TTC3: variants seen among roughly 807,000 people sequenced by gnomAD.
TTC3 encodes the protein E3 ubiquitin-protein ligase TTC3.
TTC3 carries 180 observed loss-of-function variants against 249.6 expected under a neutral mutation model. That is an observed-to-expected ratio of 0.72 (90% CI 0.64 to 0.82). The LOEUF (loss-of-function observed/expected upper bound fraction) is 0.82. TTC3 is among the 40% of genes least tolerant of loss of function. The probability of loss-of-function intolerance (pLI) is 0.00; values close to 1 mark genes in which losing one functional copy is unlikely to be tolerated. For missense variants in TTC3, 2,061 were observed against 2,398.4 expected, an observed-to-expected ratio of 0.86 and a Z score of 2.94; for synonymous variants, 717 against 805.0, an observed-to-expected ratio of 0.89 and a Z score of 1.85.
At chr21:37,190,581 G>T (rs1214495581) in intron 39 of TTC3, among the ~76,000 whole-genome samples, 1 of 152,206 alleles carries the variant, frequency 6.6e-6, no homozygotes, top group Admixed American at 6.5e-5. Context: ...ACCATAGGCT[G>T]CATTGTGGCT....
At chr21:37,122,046 T>C in intron 12 of TTC3, 67 bp downstream of exon 12, 1 of 1,454,464 alleles carries the variant, frequency 6.9e-7, no homozygotes. Flanking sequence ...GGTGGGTTTC[T>C]TGGATTAACA....
At chr21:37,108,686 A>G (rs372683365) in intron 11 of TTC3, among the ~76,000 whole-genome samples, 11 of 152,244 alleles carry the variant, frequency 7.2e-5, no homozygotes, top group African/African-American at 2.4e-4. Flanking sequence ...TTAGTGATTG[A>G]GAGGTCATCT....
At chr21:37,187,271 T>C (rs540664326) in intron 38 of TTC3, 126 bp downstream of exon 38, 2 of 659,840 alleles carry the variant, frequency 3.0e-6, no homozygotes, top group African/African-American at 1.9e-5. Context: ...CTGTAACCCA[T>C]AATATATCCT....
At chr21:37,182,994 T>A in intron 36 of TTC3, 81 bp downstream of exon 36, 1 of 1,214,066 alleles carries the variant, frequency 8.2e-7, no homozygotes, top group African/African-American at 1.6e-5. Context: ...TTTTGATATT[T>A]AATATTAAAC....
At chr21:37,201,483 G>T (rs1227375871) in exon 46 of TTC3, 1 of 1,613,894 alleles carries the variant, frequency 6.2e-7, no homozygotes, top group Non-Finnish European at 8.5e-7. Flanking sequence ...TGCCCGGCCT[G>T]CCAGGGTCGT....
chr21:37,162,627 T>TC lies in TTC3; in HGVS notation c.3170+565dup, dbSNP rs530125031. On this transcript the variant is annotated intron_variant, in intron 31 of 45. Transcript: ENST00000355666. ...AAAATGTACAACATGGTTTTTTTTTTCTCATTTCTTAAAGGAGCTATCAGA... is the reference window on the plus strand; with the variant it reads ...AAAATGTACAACATGGTTTTTTTTTTCCTCATTTCTTAAAGGAGCTATCAGA... Among the ~76,000 whole-genome samples the TC allele has an allele frequency of 4.9e-3, 737 of 149,932 alleles. 6 individuals are homozygous for TC. Among genetic ancestry groups the TC allele is most frequent in the Middle Eastern group, 0.014 (4 of 294 alleles).
chr21:37,133,643 T>G (rs1424539126), intron 17 of TTC3, among the ~76,000 whole-genome samples: 1 of 152,178 alleles, frequency 6.6e-6, no homozygotes, highest in African/African-American at 2.4e-5. Flanking sequence ...GGGTGCACAG[T>G]GATATGATTT....
chr21:37,142,787 A>T (rs1265088583), intron 20 of TTC3, among the ~76,000 whole-genome samples: 7 of 152,236 alleles, frequency 4.6e-5, no homozygotes, highest in Non-Finnish European at 8.8e-5. Flanking sequence ...CGCATTGCCA[A>T]GTCAATCCTA....
At chr21:37,200,195 G>C (rs1480206789) in intron 44 of TTC3, 37 bp from the exon 45 acceptor site, 2 of 1,596,116 alleles carry the variant, frequency 1.3e-6, no homozygotes, top group South Asian at 2.3e-5. Context: ...AACAACTGTA[G>C]TTATTCTTTA....
intron 35 of TTC3, among the ~76,000 whole-genome samples, chr21:37,178,761 A>G (rs1438348235): frequency 6.6e-6 from 1 of 152,046 alleles, no homozygotes; most frequent in East Asian, 1.9e-4. Flanking sequence ...GGAGTTTGAA[A>G]CCAGCCTGGG....
intron 13 of TTC3, among the ~76,000 whole-genome samples, chr21:37,123,924 T>A (rs2076835050): frequency 6.6e-6 from 1 of 151,206 alleles, no homozygotes. Flanking sequence ...AATTTTTGAA[T>A]TTTTGGTAGA....
At chr21:37,079,359 G>A (rs567447838) in intron 1 of TTC3, among the ~76,000 whole-genome samples, 3 of 152,084 alleles carry the variant, frequency 2.0e-5, no homozygotes, top group African/African-American at 4.8e-5. Context: ...AAGCTTGGTG[G>A]AACTTAACTA....
At chr21:37,086,392 A>C (rs990440775) in intron 1 of TTC3, 4 of 152,196 alleles carry the variant, frequency 2.6e-5, no homozygotes, top group African/African-American at 9.6e-5. Flanking sequence ...TGTTTGGCCT[A>C]TGTAGCTATT....
chr21:37,116,041 G>T (rs1159951448), intron 11 of TTC3, among the ~76,000 whole-genome samples: 1 of 152,070 alleles, frequency 6.6e-6, no homozygotes, highest in Non-Finnish European at 1.5e-5. Flanking sequence ...TGGCTATTGT[G>T]TGTCTTCCAG....
chr21:37,187,275 A>G (rs762884372), intron 38 of TTC3, 130 bp downstream of exon 38: 7 of 649,696 alleles, frequency 1.1e-5, no homozygotes, highest in East Asian at 6.7e-5. Flanking sequence ...AACCCATAAT[A>G]TATCCTCCCT....
At chr21:37,132,400 G>T (rs951509382) in intron 16 of TTC3, among the ~76,000 whole-genome samples, 1 of 150,580 alleles carries the variant, frequency 6.6e-6, no homozygotes, top group East Asian at 1.9e-4. Context: ...GTAAGATCTC[G>T]GTCCTGGGCT....
At chr21:37,168,750 TA>T (rs5843806) in intron 34 of TTC3, among the ~76,000 whole-genome samples, 152,248 of 152,250 alleles carry the variant, frequency 1, 76,123 homozygotes, top group Middle Eastern at 1. Context: ...CTTAAAACAG[TA>T]AAATATTTCA....
intron 36 of TTC3, 112 bp downstream of exon 36, chr21:37,183,025 T>A (rs2082903028): frequency 1.1e-6 from 1 of 947,820 alleles, no homozygotes; most frequent in South Asian, 2.1e-5. Context: ...AAAGTAAAAA[T>A]GAATACTGTT....
At position 37,162,124 on chromosome 21, in the gene TTC3, G is replaced by T. The variant is rs980109854; in HGVS notation, c.3170+61G>T. ...CTCAAATGTCTTTACTTAATAAGTT[G>T]TGTTAATTTAATATATATAAACTTG... On this transcript the variant is annotated intron_variant, in intron 31 of 45. Transcript: ENST00000355666. 24 of 1,083,940 alleles carry T rather than the reference G, an allele frequency of 2.2e-5. No homozygotes were observed. The African/African-American group carries it at 3.8e-4, about 17-fold the overall frequency. 67.1% of individuals were successfully genotyped at this position (1,083,940 alleles called of 1,614,324 possible).
Sources: gnomAD v4.1 joint callset for allele counts (sites outside exome capture counted in the v4.1 genomes callset) on GRCh38, gnomAD v4.1.1 for gene constraint, MANE v1.5 for transcripts, NCBI Gene and HGNC (gene_info 2026-07-23, HGNC 2026-07-21) for gene names.